Variants in ANKS1B observed in about 807,000 individuals in gnomAD.
The protein encoded by ANKS1B is ankyrin repeat and sterile alpha motif domain containing 1B, also known as ankyrin repeat and sterile alpha motif domain-containing protein 1B.
A neutral mutation model predicts 148.3 loss-of-function variants in ANKS1B; 36 were observed. The ratio of observed to expected loss-of-function variants is 0.24; its 90% CI spans 0.19 to 0.32. The LOEUF (loss-of-function observed/expected upper bound fraction) is 0.32. Among genes scored for constraint, ANKS1B ranks in the 10% least tolerant of loss-of-function variants. ANKS1B has a pLI of 1.00. For missense variants in ANKS1B, 1,157 were observed against 1,542.6 expected (o/e 0.75, Z 4.19); for synonymous variants, 542 against 560.8 (o/e 0.97, Z 0.47).
At chr12:99,843,326 G>A (rs1309157456) in intron 1 of ANKS1B, among the ~76,000 whole-genome samples, 2 of 151,784 alleles carry the variant, frequency 1.3e-5, no homozygotes, top group East Asian at 3.9e-4. Flanking sequence ...AGCCTAGGTG[G>A]GGCTAGCTGC....
intron 1 of ANKS1B, among the ~76,000 whole-genome samples, chr12:99,928,451 T>C (rs552216839): frequency 2.0e-5 from 3 of 151,148 alleles, no homozygotes; most frequent in Admixed American, 6.6e-5. Flanking sequence ...GCTAATTTTT[T>C]GTATTTTTAG....
chr12:99,317,734 T>C (rs931397812), intron 12 of ANKS1B, among the ~76,000 whole-genome samples: 2 of 152,220 alleles, frequency 1.3e-5, no homozygotes, highest in African/African-American at 4.8e-5. Flanking sequence ...GGCATCTCTG[T>C]CTTGTGCCAG....
At chr12:98,804,457 G>A (rs2099033964) in intron 20 of ANKS1B, among the ~76,000 whole-genome samples, 1 of 148,820 alleles carries the variant, frequency 6.7e-6, no homozygotes, top group South Asian at 2.1e-4. Flanking sequence ...AAAGTATTTA[G>A]AAGACTCAAT....
chr12:99,485,964 A>G (rs2096483407), intron 10 of ANKS1B, among the ~76,000 whole-genome samples: 1 of 152,144 alleles, frequency 6.6e-6, no homozygotes. Flanking sequence ...GAGGGTTTTC[A>G]TCATTCTCTA....
At chr12:98,972,550 C>G (rs1174040476) in intron 17 of ANKS1B, among the ~76,000 whole-genome samples, 1 of 152,182 alleles carries the variant, frequency 6.6e-6, no homozygotes, top group African/African-American at 2.4e-5. Context: ...CTGCACACAG[C>G]TAGTGAGTGG....
chr12:98,827,879 A>T (rs997605214), intron 19 of ANKS1B, among the ~76,000 whole-genome samples: 1 of 152,220 alleles, frequency 6.6e-6, no homozygotes, highest in African/African-American at 2.4e-5. Context: ...CATCTCTGAA[A>T]TGCTGTCATT....
intron 12 of ANKS1B, among the ~76,000 whole-genome samples, chr12:99,346,659 C>G (rs1219013126): frequency 6.6e-6 from 1 of 151,898 alleles, no homozygotes; most frequent in African/African-American, 2.4e-5. Flanking sequence ...CTGTCAGAAA[C>G]AAAGTTACTG....
chr12:99,805,262 G>GAAAAAAAAAAAA, intron 4 of ANKS1B, among the ~76,000 whole-genome samples: 1 of 8,324 alleles, frequency 1.2e-4, no homozygotes, highest in East Asian at 2.7e-3. Context: ...GGAGGAAAAG[G>GAAAAAAAAAAAA]CAAAAAAAAA....
At chr12:99,527,849 T>G (rs1370987792) in intron 9 of ANKS1B, among the ~76,000 whole-genome samples, 7 of 149,006 alleles carry the variant, frequency 4.7e-5, no homozygotes, top group African/African-American at 1.7e-4. Context: ...CTTAACATAA[T>G]GAGAAAAAAA....
At chr12:99,720,652 G>A (rs1172066825) in intron 8 of ANKS1B, among the ~76,000 whole-genome samples, 1 of 152,062 alleles carries the variant, frequency 6.6e-6, no homozygotes, top group African/African-American at 2.4e-5. Flanking sequence ...GCCTATCCTC[G>A]GAATGCTGCA....
At chr12:98,791,330 CAAAA>C (rs557408637) in intron 22 of ANKS1B, among the ~76,000 whole-genome samples, 1 of 118,236 alleles carries the variant, frequency 8.5e-6, no homozygotes, top group African/African-American at 3.3e-5. Flanking sequence ...GGGAGACAGT[CAAAA>C]AAAAAAAAAA....
intron 9 of ANKS1B, among the ~76,000 whole-genome samples, chr12:99,508,021 T>C (rs148143742): frequency 6.6e-6 from 1 of 152,040 alleles, no homozygotes; most frequent in Non-Finnish European, 1.5e-5. Flanking sequence ...TAACTATACA[T>C]GTAAGTATCA....
intron 15 of ANKS1B, among the ~76,000 whole-genome samples, chr12:99,117,866 A>C (rs1423598553): frequency 6.6e-6 from 1 of 152,162 alleles, no homozygotes; most frequent in Non-Finnish European, 1.5e-5. Context: ...TTACTGCCTC[A>C]ATTTCAGAAA....
At chr12:99,208,519 C>A (rs2082946896) in intron 14 of ANKS1B, among the ~76,000 whole-genome samples, 1 of 152,088 alleles carries the variant, frequency 6.6e-6, no homozygotes, top group African/African-American at 2.4e-5. Flanking sequence ...GGGGAGTGTT[C>A]CAACAATTGT....
intron 11 of ANKS1B, among the ~76,000 whole-genome samples, chr12:99,424,214 T>G (rs1253263103): frequency 6.6e-6 from 1 of 152,230 alleles, no homozygotes; most frequent in Non-Finnish European, 1.5e-5. Flanking sequence ...TTATGGATTA[T>G]GTACTTTATC....
chr12:99,593,471 G>A (rs1486577721), intron 9 of ANKS1B, among the ~76,000 whole-genome samples: 3 of 152,008 alleles, frequency 2.0e-5, no homozygotes, highest in South Asian at 2.1e-4. Flanking sequence ...GAAATGGGTA[G>A]GCATCAAGGA....
At chr12:99,940,238 T>C (rs964880729) in intron 1 of ANKS1B, among the ~76,000 whole-genome samples, 1 of 152,172 alleles carries the variant, frequency 6.6e-6, no homozygotes, top group Non-Finnish European at 1.5e-5. Context: ...CTGAGTGCCC[T>C]GTTTGTGAAC....
At chr12:99,847,816 T>A (rs1334881513) in intron 1 of ANKS1B, among the ~76,000 whole-genome samples, 1 of 152,134 alleles carries the variant, frequency 6.6e-6, no homozygotes, top group Non-Finnish European at 1.5e-5. Flanking sequence ...ATCACACCCT[T>A]CTGCCCCTAC....
chr12:99,158,337 G>C (rs1046738504), intron 14 of ANKS1B, among the ~76,000 whole-genome samples: 1 of 152,134 alleles, frequency 6.6e-6, no homozygotes, highest in African/African-American at 2.4e-5. Context: ...CAAGAGGAGG[G>C]AAAGAAGAAA....
Sources: allele counts gnomAD v4.1 joint callset (sites outside exome capture counted in the v4.1 genomes callset), GRCh38; gene constraint gnomAD v4.1.1; transcripts MANE v1.5; gene names NCBI Gene and HGNC (gene_info 2026-07-23, HGNC 2026-07-21).